Variants in UGT1A4 observed in about 807,000 individuals in gnomAD.
UGT1A4 encodes UDP-glucuronosyltransferase 1A4.
Under a neutral mutation model 41.1 loss-of-function variants are expected in UGT1A4, and 32 were observed. The ratio of observed to expected loss-of-function variants is 0.78; its 90% confidence interval spans 0.59 to 1.05. UGT1A4 has a LOEUF of 1.05. UGT1A4 is among the 50% of genes least tolerant of loss of function. The pLI, the probability that UGT1A4 is intolerant of heterozygous loss-of-function variation, is 0.00. For synonymous variants in UGT1A4, 283 were observed against 265.1 expected (o/e 1.07, Z -0.66); for missense variants, 748 against 677.4 (o/e 1.10, Z -1.16).
rs559276677 is a variant in UGT1A4 at position 233,725,023 on chromosome 2, C to T, written c.867+5336C>T. Among the ~76,000 whole-genome samples the T allele has an allele frequency of 1.0e-4, 15 of 148,462 alleles. 1 individual carries two copies. The highest frequency in any genetic ancestry group is 6.9e-4 in the South Asian group (3 of 4,350). On this transcript the variant is annotated intron_variant, in intron 1 of 4. Coordinates refer to ENST00000373409, the MANE Select transcript of UGT1A4 (RefSeq NM_007120.3). ...ACCGGCCCGGCCAAACAGCAAAACCCGGTCTCCACCAAAACCAGTCAGGCG... is the reference window on the plus strand; with the variant it reads ...ACCGGCCCGGCCAAACAGCAAAACCTGGTCTCCACCAAAACCAGTCAGGCG...
At chr2:233,726,177 A>G (rs2077512621) in intron 1 of UGT1A4, among the ~76,000 whole-genome samples, 2 of 152,148 alleles carry the variant, frequency 1.3e-5, no homozygotes, top group South Asian at 4.2e-4. Context: ...AAAAAATAAA[A>G]ATTTCTTTGG....
intron 1 of UGT1A4, among the ~76,000 whole-genome samples, chr2:233,738,788 G>T (rs1333447117): frequency 6.6e-6 from 1 of 152,238 alleles, no homozygotes; most frequent in Admixed American, 6.5e-5. Flanking sequence ...ATTCAAGCCA[G>T]ATGCAGAAAT....
At chr2:233,743,563 C>A (rs546286371) in intron 1 of UGT1A4, 1 of 1,367,296 alleles carries the variant, frequency 7.3e-7, no homozygotes, top group South Asian at 1.1e-5. Flanking sequence ...TATTCTCCAG[C>A]GGGTTTCCCA....
At chr2:233,767,195 T>C (rs1699333145) in intron 2 of UGT1A4, 30 bp downstream of exon 2, 10 of 1,613,760 alleles carry the variant, frequency 6.2e-6, no homozygotes, top group Non-Finnish European at 6.8e-6. Context: ...TGGCCTCATA[T>C]CTATTTTCAC....
In UGT1A4 at chr2:233,768,342, C is replaced by G; in HGVS notation, c.1210C>G (p.Arg404Gly). Residue 404 changes from arginine (R) to glycine (G), a missense_variant, in exon 4 of 5, where the codon CGC becomes GGC. Physicochemically the swap from Arg to Gly is moderately radical, Grantham distance 125. Transcript: ENST00000373409. ...TGGTGATCAGATGGACAATGCAAAG[C>G]GCATGGAGACTAAGGGAGCTGGAGT... ...LFGDQMDNAK[R>G]METKGAGVTL... 6.2e-7 allele frequency: 1 copy of G among 1,614,092 alleles called. No homozygotes were observed. Among genetic ancestry groups the G allele is most frequent in the South Asian group, 1.1e-5 (1 of 91,066 alleles).
Position 233,725,061 on chromosome 2 carries a change from C to A in UGT1A4, c.867+5374C>A, listed in dbSNP as rs1212157566. ...AACCAGTCAGGCGTGGCGGCGCGCG[C>A]CTGCAATCGCAGGCACTCGGCAGGC... On this transcript the variant is annotated intron_variant, in intron 1 of 4. Coordinates refer to ENST00000373409, the MANE Select transcript of UGT1A4 (RefSeq NM_007120.3). Among the ~76,000 whole-genome samples, 5 of 147,130 alleles carry A rather than the reference C, an allele frequency of 3.4e-5. 1 individual carries two copies. The highest frequency in any genetic ancestry group is 1.3e-4 in the African/African-American group (5 of 39,402).
At chr2:233,745,781 CAG>C (rs757535018) in intron 1 of UGT1A4, among the ~76,000 whole-genome samples, 4 of 150,162 alleles carry the variant, frequency 2.7e-5, no homozygotes, top group Non-Finnish European at 5.9e-5. Flanking sequence ...TGAGCTTAGA[CAG>C]GGGGGCTGGG....
rs2077300002 is a variant in UGT1A4 at position 233,724,705 on chromosome 2, G to T, written c.867+5018G>T. On this transcript the variant is annotated intron_variant, in intron 1 of 4. Transcript: ENST00000373409. The stretch of plus-strand genomic sequence containing the variant: ...TGGCGGCCGGGTGAAGACGCTCCTC[G>T]CTTTCCAGACTGGGCAGCCAGGCAG... 1.4e-5 allele frequency among the ~76,000 whole-genome samples: 2 copies of T among 143,500 alleles called. 1 individual carries two copies. Among genetic ancestry groups the T allele is most frequent in the South Asian group, 5.0e-4 (2 of 3,986 alleles). 94.1% of individuals were successfully genotyped at this position (143,500 alleles called of 152,430 possible).
At chr2:233,729,281 A>G (rs2077829135) in intron 1 of UGT1A4, 2 of 1,614,144 alleles carry the variant, frequency 1.2e-6, no homozygotes. Context: ...CGGGAGCTCC[A>G]TGCCAGAGGC....
chr2:233,768,219 G>T lies in UGT1A4; in HGVS notation c.1088-1G>T. 1 of 1,614,092 alleles carries T rather than the reference G, an allele frequency of 6.2e-7. No individual in the cohort carries two copies. The highest frequency in any genetic ancestry group is 8.5e-7 in the Non-Finnish European group (1 of 1,180,022). On this transcript the variant is annotated splice_acceptor_variant, in intron 3 of 4. Transcript: ENST00000373409. LOFTEE classifies it high-confidence loss of function. Reference sequence around the variant, plus strand: ...GACATCCTCCCTATTTTGCATCTCAGGTCACCCGATGACCCGTGCCTTTAT... The same window carrying T: ...GACATCCTCCCTATTTTGCATCTCATGTCACCCGATGACCCGTGCCTTTAT...
chr2:233,740,214 A>G (rs2018985), intron 1 of UGT1A4, among the ~76,000 whole-genome samples: 70,303 of 151,600 alleles, frequency 0.46, 18,208 homozygotes, highest in African/African-American at 0.69. Flanking sequence ...ACCCAGTCTC[A>G]GCTGCGTCTT....
At chr2:233,724,307 C>T (rs2077214825) in intron 1 of UGT1A4, among the ~76,000 whole-genome samples, 2 of 146,966 alleles carry the variant, frequency 1.4e-5, no homozygotes, top group African/African-American at 2.5e-5. Flanking sequence ...CCACCTCCCT[C>T]CCGGACGGGG....
chr2:233,734,899 T>C (rs182449879), intron 1 of UGT1A4, among the ~76,000 whole-genome samples: 2 of 152,328 alleles, frequency 1.3e-5, no homozygotes, highest in East Asian at 3.9e-4. Flanking sequence ...TGATTTCTAT[T>C]CTTTTACATT....
intron 1 of UGT1A4, among the ~76,000 whole-genome samples, chr2:233,748,667 G>T (rs899453782): frequency 7.9e-5 from 12 of 151,802 alleles, no homozygotes; most frequent in Middle Eastern, 3.4e-3. Flanking sequence ...TTTCCAGAGA[G>T]GGATCTGTGC....
In UGT1A4 at chr2:233,772,799, AT is replaced by A; in HGVS notation, c.*245del. 3 of 1,169,378 alleles carry A rather than the reference AT, an allele frequency of 2.6e-6. No homozygotes were observed. The highest frequency in any genetic ancestry group is 3.4e-6 in the Non-Finnish European group (3 of 874,384). 72.4% of individuals were successfully genotyped at this position (1,169,378 alleles called of 1,614,324 possible). ...GTCTTTGATCAGGATGACATGTGCC[AT>A]TTTTCAGAGGACGTGCAGACAGGCT... is the stretch of plus-strand genomic sequence containing the variant. On this transcript the variant is annotated 3_prime_UTR_variant, in exon 5 of 5. Transcript: ENST00000373409.
chr2:233,726,757 A>G (rs544235681), intron 1 of UGT1A4, among the ~76,000 whole-genome samples: 1 of 152,352 alleles, frequency 6.6e-6, no homozygotes, highest in African/African-American at 2.4e-5. Flanking sequence ...TCTGCCTACC[A>G]CAGACACTAA....
At chr2:233,727,806 G>A (rs543849298) in intron 1 of UGT1A4, among the ~76,000 whole-genome samples, 1 of 152,288 alleles carries the variant, frequency 6.6e-6, no homozygotes, top group East Asian at 1.9e-4. Flanking sequence ...TGTCCCATGG[G>A]TTCTGTCCAA....
At chr2:233,756,537 A>T (rs1326089003) in intron 1 of UGT1A4, among the ~76,000 whole-genome samples, 8 of 152,122 alleles carry the variant, frequency 5.3e-5, no homozygotes, top group Non-Finnish European at 1.2e-4. Context: ...ACTTTTCTTG[A>T]CTGCTAAAAC....
rs564101757 is a variant in UGT1A4, at chr2:233,734,503, C to G, written c.867+14816C>G. On this transcript the variant is annotated intron_variant, in intron 1 of 4. Transcript: ENST00000373409. ...GATTTTTTTGAAGGTTTTTTTGTGTCTCTATCTCTTTCAGTTCTGCTCTGA... is the reference window on the plus strand; with the variant it reads ...GATTTTTTTGAAGGTTTTTTTGTGTGTCTATCTCTTTCAGTTCTGCTCTGA... Among the ~76,000 whole-genome samples the G allele has an allele frequency of 2.0e-5, 3 of 152,124 alleles. No homozygotes were observed. The South Asian group carries it at 6.2e-4, about 32-fold the overall frequency.
Sources: allele counts gnomAD v4.1 joint callset (sites outside exome capture counted in the v4.1 genomes callset), GRCh38; gene constraint gnomAD v4.1.1; transcripts MANE v1.5; gene names NCBI Gene and HGNC (gene_info 2026-07-23, HGNC 2026-07-21).